CXXC4: variants seen among roughly 807,000 people sequenced by gnomAD.
The protein encoded by CXXC4 is CXXC finger protein 4.
A neutral mutation model predicts 20.5 loss-of-function variants in CXXC4; 5 were observed. The observed-to-expected ratio is 0.24, with a 90% CI of 0.13 to 0.51. The LOEUF (loss-of-function observed/expected upper bound fraction) is 0.51, where lower values mean the gene tolerates loss of function less well. Among genes scored for constraint, CXXC4 ranks in the 20% least tolerant of loss-of-function variants. The pLI, the probability that CXXC4 is intolerant of heterozygous loss-of-function variation, is 0.97. For missense variants in CXXC4, 419 were observed against 496.4 expected (o/e 0.84, Z 1.48); for synonymous variants, 250 against 216.4 (o/e 1.16, Z -1.36).
chr4:104,487,850 C>T (rs1318147024), intron 2 of CXXC4, among the ~76,000 whole-genome samples: 1 of 151,962 alleles, frequency 6.6e-6, no homozygotes, highest in Non-Finnish European at 1.5e-5. Flanking sequence ...TCATAAGATG[C>T]TCTTAAGGTG....
chr4:104,491,796 T>A lies in CXXC4; in HGVS notation c.7A>T (p.Thr3Ser). The A allele has an allele frequency of 6.9e-7, 1 of 1,441,456 alleles. No individual in the cohort carries two copies. The highest frequency in any genetic ancestry group is 9.2e-7 in the Non-Finnish European group (1 of 1,085,480). The allele number at this position is 1,441,456 out of a possible 1,614,324, so 89.3% of individuals were successfully genotyped here. Reference sequence around the variant, plus strand: ...GGCCCGGGCTCCACGCAGACATTGGTGTTCATGGTGCAGGGGGGGAAGAAG... The same window carrying A: ...GGCCCGGGCTCCACGCAGACATTGGAGTTCATGGTGCAGGGGGGGAAGAAG... MN[T>S]NVCVEPGPSP... The change falls in exon 2 of 3, where the codon ACC becomes TCC. Residue 3 changes from threonine (T) to serine (S), a missense_variant. This residue lies in a region of CXXC4 where 388 missense variants were observed against 416.0 expected (regional missense o/e 0.93). Transcript: ENST00000394767.
At chr4:104,483,476 C>T (rs1030937259) in intron 2 of CXXC4, among the ~76,000 whole-genome samples, 1 of 151,796 alleles carries the variant, frequency 6.6e-6, no homozygotes, top group African/African-American at 2.4e-5. Flanking sequence ...TAATAACTGT[C>T]TTCATTTTAA....
At chr4:104,483,003 A>T (rs1736594402) in intron 2 of CXXC4, among the ~76,000 whole-genome samples, 1 of 152,074 alleles carries the variant, frequency 6.6e-6, no homozygotes, top group Admixed American at 6.6e-5. Flanking sequence ...ATGAATTTTA[A>T]TGCAGAAGAG....
At chr4:104,480,459 T>A (rs1365221442) in intron 2 of CXXC4, among the ~76,000 whole-genome samples, 1 of 152,180 alleles carries the variant, frequency 6.6e-6, no homozygotes, top group African/African-American at 2.4e-5. Context: ...TTGAGCTCCC[T>A]CAACACTATC....
chr4:104,471,405 T>C lies in CXXC4; in HGVS notation c.*917A>G, dbSNP rs576357167. 6.6e-6 allele frequency: 1 copy of C among 151,982 alleles called. No individual in the cohort carries two copies. The highest frequency in any genetic ancestry group is 1.5e-5 in the Non-Finnish European group (1 of 67,958). The allele number at this position is 151,982 out of a possible 1,614,324, so 9.4% of individuals were successfully genotyped here. A position where few individuals can be genotyped will look rare whatever the true frequency, so the allele number is the denominator to read the frequency against. ...TTATAAATTTTCCCCTCCTAAGATA[T>C]GATACTTTATTCTTTAGCCTAAAAA... On this transcript the variant is annotated 3_prime_UTR_variant, in exon 3 of 3. Transcript: ENST00000394767.
At chr4:104,487,083 T>C (rs1450527772) in intron 2 of CXXC4, among the ~76,000 whole-genome samples, 1 of 152,120 alleles carries the variant, frequency 6.6e-6, no homozygotes, top group East Asian at 1.9e-4. Context: ...ATTCGGCAGA[T>C]AGATTTTTAA....
chr4:104,470,534 C>A lies in CXXC4; in HGVS notation c.*1788G>T, dbSNP rs376035160. ...TTTTAAAAAATCTTTTCTGTCCTATCGTATCCCATTGAAATCTACAACTAA... is the reference window on the plus strand; with the variant it reads ...TTTTAAAAAATCTTTTCTGTCCTATAGTATCCCATTGAAATCTACAACTAA... On this transcript the variant is annotated 3_prime_UTR_variant, in exon 3 of 3. Transcript: ENST00000394767. 1 of 152,054 alleles carries A rather than the reference C, an allele frequency of 6.6e-6. No individual in the cohort carries two copies. Among genetic ancestry groups the A allele is most frequent in the African/African-American group, 2.4e-5 (1 of 41,426 alleles). The allele number at this position is 152,054 out of a possible 1,614,324, so 9.4% of individuals were successfully genotyped here.
intron 1 of CXXC4, among the ~76,000 whole-genome samples, chr4:104,493,059 C>T (rs867957021): frequency 1.4e-5 from 2 of 144,058 alleles, no homozygotes; most frequent in Non-Finnish European, 3.0e-5. Context: ...GGGGGGGGGG[C>T]TTTAACGTGT....
intron 2 of CXXC4, among the ~76,000 whole-genome samples, chr4:104,478,934 GTA>G (rs1400010336): frequency 3.3e-5 from 5 of 151,908 alleles, no homozygotes; most frequent in South Asian, 2.1e-4. Flanking sequence ...TCATTTGCAT[GTA>G]TATATATGTA....
chr4:104,474,984 G>T (rs1736368047), intron 2 of CXXC4: 4 of 152,014 alleles, frequency 2.6e-5, no homozygotes, highest in Admixed American at 2.0e-4. Flanking sequence ...AAAGGTCATT[G>T]TTGTGGGAAA....
At chr4:104,480,873 CCTTCCTTCCATCCTTT>C (rs1467451696) in intron 2 of CXXC4, among the ~76,000 whole-genome samples, 3 of 134,636 alleles carry the variant, frequency 2.2e-5, no homozygotes, top group Non-Finnish European at 3.2e-5. Context: ...TCCCTTCCTT[CCTTCCTTCCATCCTTT>C]CTTCCTTCCT....
Position 104,491,502 on chromosome 4 carries a change from TGGCGGCGGC to T in CXXC4, c.292_300del (p.Ala98_Ala100del). 3 of 818,386 alleles carry T rather than the reference TGGCGGCGGC, an allele frequency of 3.7e-6. No homozygotes were observed. The highest frequency in any genetic ancestry group is 5.1e-6 in the Non-Finnish European group (3 of 590,984). 50.7% of individuals were successfully genotyped at this position (818,386 alleles called of 1,614,324 possible). A position where few individuals can be genotyped will look rare whatever the true frequency, so the allele number is the denominator to read the frequency against. On this transcript the variant is annotated inframe_deletion, in exon 2 of 3. Transcript: ENST00000394767. Reference sequence around the variant, plus strand: ...CCGCCGCTGCCCCAGAGCATGGCGGTGGCGGCGGCGGCGGTGGCCGCGTTGTCGCAGTTC... The same window carrying T: ...CCGCCGCTGCCCCAGAGCATGGCGGTGGCGGTGGCCGCGTTGTCGCAGTTC...
chr4:104,482,197 T>C (rs576247319), intron 2 of CXXC4, among the ~76,000 whole-genome samples: 1 of 152,286 alleles, frequency 6.6e-6, no homozygotes, highest in African/African-American at 2.4e-5. Context: ...AGTTAAAACA[T>C]TGGTTTCATG....
At position 104,491,671 on chromosome 4, in the gene CXXC4, G is replaced by A. The variant is rs1736883276; in HGVS notation, c.132C>T (p.Ser44=). ...TGGTCTTGTAGAAGGAGGTGGCAAAGGAGCGGTAGCGCTCCATTTCCGAGT... is the reference window on the plus strand; with the variant it reads ...TGGTCTTGTAGAAGGAGGTGGCAAAAGAGCGGTAGCGCTCCATTTCCGAGT... ...DYNSEMERYR[S]FATSFYKTNG... Residue 44 remains serine (S), a synonymous_variant, in exon 2 of 3, where the codon TCC becomes TCT. Transcript: ENST00000394767. The A allele has an allele frequency of 1.3e-6, 2 of 1,545,374 alleles. No homozygotes were observed. Among genetic ancestry groups the A allele is most frequent in the African/African-American group, 1.4e-5 (1 of 72,516 alleles).
intron 2 of CXXC4, among the ~76,000 whole-genome samples, chr4:104,484,603 A>T (rs1386269023): frequency 6.6e-6 from 1 of 152,040 alleles, no homozygotes; most frequent in Non-Finnish European, 1.5e-5. Context: ...AGCAGGCTTG[A>T]TTTCATACCT....
chr4:104,468,519 T>C lies in CXXC4; in HGVS notation c.*3803A>G, dbSNP rs975388694. ...ACATACACCTTACACAAATATCTATTAGAAAATTTAATAGATAACTGCACA... is the reference window on the plus strand; with the variant it reads ...ACATACACCTTACACAAATATCTATCAGAAAATTTAATAGATAACTGCACA... On this transcript the variant is annotated 3_prime_UTR_variant, in exon 3 of 3. Transcript: ENST00000394767. 1 of 151,712 alleles carries C rather than the reference T, an allele frequency of 6.6e-6. No homozygotes were observed. Among genetic ancestry groups the C allele is most frequent in the Non-Finnish European group, 1.5e-5 (1 of 67,884 alleles). The allele number at this position is 151,712 out of a possible 1,614,324, so 9.4% of individuals were successfully genotyped here. A position where few individuals can be genotyped will look rare whatever the true frequency, so the allele number is the denominator to read the frequency against.
At chr4:104,479,966 ATTAAT>A (rs1187684049) in intron 2 of CXXC4, among the ~76,000 whole-genome samples, 2 of 152,106 alleles carry the variant, frequency 1.3e-5, no homozygotes, top group African/African-American at 2.4e-5. Flanking sequence ...ACAGTCAATA[ATTAAT>A]TTAATTTTTA....
intron 2 of CXXC4, among the ~76,000 whole-genome samples, chr4:104,485,020 G>C (rs1235317349): frequency 2.6e-5 from 4 of 151,940 alleles, no homozygotes; most frequent in African/African-American, 9.7e-5. Flanking sequence ...CAGAAACACT[G>C]ATGCACAAAT....
At chr4:104,481,774 T>C (rs1445292117) in intron 2 of CXXC4, among the ~76,000 whole-genome samples, 2 of 152,144 alleles carry the variant, frequency 1.3e-5, no homozygotes, top group African/African-American at 2.4e-5. Context: ...ATCTGTTAAA[T>C]TGAATTGAAT....
Sources: allele counts gnomAD v4.1 joint callset (sites outside exome capture counted in the v4.1 genomes callset), GRCh38; gene constraint gnomAD v4.1.1; regional missense constraint gnomAD v4.1.1; transcripts MANE v1.5; gene names NCBI Gene and HGNC (gene_info 2026-07-23, HGNC 2026-07-21).